Variants in MBOAT7 observed in about 807,000 individuals in gnomAD.
MBOAT7 encodes the protein membrane bound acylglycerophosphatidylinositol O-acyltransferase MBOAT7, also known as membrane-bound acylglycerophosphatidylinositol O-acyltransferase MBOAT7.
A neutral mutation model predicts 47.4 loss-of-function variants in MBOAT7; 40 were observed. That is an observed-to-expected ratio of 0.84 (90% confidence interval 0.66 to 1.10). MBOAT7 has a LOEUF of 1.10. Ranked by LOEUF, MBOAT7 falls within the 50% of genes least tolerant of loss-of-function variation. The pLI, the probability that MBOAT7 is intolerant of heterozygous loss-of-function variation, is 0.00. For synonymous variants in MBOAT7, 361 were observed against 292.0 expected, an observed-to-expected ratio of 1.24 and a Z score of -2.41; for missense variants, 680 against 655.6, an observed-to-expected ratio of 1.04 and a Z score of -0.41.
At position 54,188,068 on chromosome 19, in the gene MBOAT7, A is replaced by AGAAAGAAG. The variant is rs2076500439; in HGVS notation, c.206+148_206+149insCTTCTTTC. 2.0e-5 allele frequency: 7 copies of AGAAAGAAG among 356,996 alleles called. 1 individual carries two copies. Among genetic ancestry groups the AGAAAGAAG allele is most frequent in the Admixed American group, 1.4e-4 (2 of 13,866 alleles). The allele number at this position is 356,996 out of a possible 1,614,324, so 22.1% of individuals were successfully genotyped here. ...AAGAAAGAAAGAAAGAAAGAAAGAAAGACAAACAAACAAACATGAAACAGA... is the reference window on the plus strand; with the variant it reads ...AAGAAAGAAAGAAAGAAAGAAAGAAAGAAAGAAGGACAAACAAACAAACATGAAACAGA... On this transcript the variant is annotated intron_variant, in intron 3 of 7. Coordinates refer to ENST00000245615, the MANE Select transcript of MBOAT7 (RefSeq NM_024298.5).
Position 54,180,760 on chromosome 19 carries a change from C to T in MBOAT7, c.854+13G>A, listed in dbSNP as rs769491655. ...CTGCTGGGTCTTGGGAAGCCTCCCT[C>T]GCGCCGCCTGACCTGCTGGGGGGTG... On this transcript the variant is annotated intron_variant, in intron 6 of 7. Coordinates refer to ENST00000245615, the MANE Select transcript of MBOAT7 (RefSeq NM_024298.5). This position sits in a 1 kb window ranked among gnomAD's most constrained non-coding sequence, Gnocchi z 5.2. The T allele has an allele frequency of 8.7e-6, 13 of 1,500,318 alleles. No individual in the cohort carries two copies. The highest frequency in any genetic ancestry group is 1.3e-5 in the South Asian group (1 of 76,484). The allele number at this position is 1,500,318 out of a possible 1,614,324, so 92.9% of individuals were successfully genotyped here. A position where few individuals can be genotyped will look rare whatever the true frequency, so the allele number is the denominator to read the frequency against.
chr19:54,177,184 T>TACTA (rs2076131834), intron 7 of MBOAT7, among the ~76,000 whole-genome samples: 1 of 151,394 alleles, frequency 6.6e-6, no homozygotes, highest in East Asian at 1.9e-4. Flanking sequence ...CTAATACTAA[T>TACTA]AATAATATCC....
chr19:54,174,611 A>T (rs2076027577), intron 7 of MBOAT7, among the ~76,000 whole-genome samples, 180 bp from the exon 8 acceptor site: 1 of 144,086 alleles, frequency 6.9e-6, no homozygotes. Context: ...GACCCAGGAG[A>T]TCAGGCCCCA....
chr19:54,182,947 T>C (rs527785214), intron 5 of MBOAT7, among the ~76,000 whole-genome samples: 4 of 152,282 alleles, frequency 2.6e-5, no homozygotes, highest in South Asian at 2.1e-4. Flanking sequence ...GTGATCTGCC[T>C]GTCTCAGCCT....
chr19:54,188,033 G>GAAAGAAAGA (rs2076490284), intron 3 of MBOAT7, among the ~76,000 whole-genome samples, 184 bp downstream of exon 3: 1 of 68,664 alleles, frequency 1.5e-5, no homozygotes, highest in African/African-American at 5.3e-5. Flanking sequence ...AAGAAAGAAA[G>GAAAGAAAGA]AAAGAAAGAA....
chr19:54,188,031 A>C (rs866089497), intron 3 of MBOAT7, among the ~76,000 whole-genome samples, 186 bp downstream of exon 3: 781 of 73,550 alleles, frequency 0.011, 1 homozygote, highest in South Asian at 0.036. Context: ...GAAAGAAAGA[A>C]AGAAAGAAAG....
rs377687729 is a variant in MBOAT7, at chr19:54,174,287, C to A, written c.1176G>T (p.Gln392His). 1.9e-6 allele frequency: 3 copies of A among 1,612,918 alleles called. No homozygotes were observed. Among genetic ancestry groups the A allele is most frequent in the Non-Finnish European group, 2.5e-6 (3 of 1,179,414 alleles). The part of the protein sequence containing the change: ...ALRGRLSPGG[Q>H]KAWDWVHWFL... ...ACCAGTGCACCCAGTCCCAGGCCTTCTGGCCCCCTGGGCTCAGCCGCCCCC... is the reference window on the plus strand; with the variant it reads ...ACCAGTGCACCCAGTCCCAGGCCTTATGGCCCCCTGGGCTCAGCCGCCCCC... The change falls in exon 8 of 8, where the codon CAG (glutamine) becomes CAT (histidine). Residue 392 changes from glutamine (Q) to histidine (H), a missense_variant. By Grantham distance (24) the Gln-to-His change is conservative. Coordinates refer to ENST00000245615, the MANE Select transcript of MBOAT7 (RefSeq NM_024298.5).
intron 4 of MBOAT7, among the ~76,000 whole-genome samples, chr19:54,186,251 G>A (rs1411020306): frequency 6.6e-6 from 1 of 152,068 alleles, no homozygotes; most frequent in Non-Finnish European, 1.5e-5. Context: ...CCGACCTCAG[G>A]TGATCCGCCT....
chr19:54,182,804 G>T (rs956766920), intron 5 of MBOAT7, among the ~76,000 whole-genome samples: 1 of 151,980 alleles, frequency 6.6e-6, no homozygotes, highest in Non-Finnish European at 1.5e-5. Context: ...GGGTTCAAGC[G>T]ATTCTCCAGT....
chr19:54,188,814 C>G (rs914165806), intron 1 of MBOAT7, among the ~76,000 whole-genome samples: 3 of 152,122 alleles, frequency 2.0e-5, no homozygotes, highest in African/African-American at 7.2e-5. Context: ...TTTGCGAACG[C>G]AGAAATCAAA....
At chr19:54,176,115 A>G (rs954503802) in intron 7 of MBOAT7, among the ~76,000 whole-genome samples, 1 of 152,102 alleles carries the variant, frequency 6.6e-6, no homozygotes, top group East Asian at 1.9e-4. Flanking sequence ...TTGGCCTCCC[A>G]AAGTGCTGGG....
In MBOAT7 at chr19:54,188,067, A is replaced by AAGAC. The variant is rs1271790018; in HGVS notation, c.206+146_206+149dup. ...AAAGAAAGAAAGAAAGAAAGAAAGA[A>AAGAC]AGACAAACAAACAAACATGAAACAG... On this transcript the variant is annotated intron_variant, in intron 3 of 7. Coordinates refer to ENST00000245615, the MANE Select transcript of MBOAT7 (RefSeq NM_024298.5). 17 of 234,370 alleles carry AAGAC rather than the reference A, an allele frequency of 7.3e-5. 3 individuals are homozygous for AAGAC. In the East Asian group the frequency reaches 1.3e-3, roughly 18 times the overall value. 14.5% of individuals were successfully genotyped at this position (234,370 alleles called of 1,614,324 possible). A position where few individuals can be genotyped will look rare whatever the true frequency, so the allele number is the denominator to read the frequency against.
intron 3 of MBOAT7, among the ~76,000 whole-genome samples, chr19:54,188,003 G>A (rs547982365): frequency 2.9e-4 from 36 of 124,996 alleles, no homozygotes; most frequent in Middle Eastern, 3.8e-3. Context: ...CAACAGGAGC[G>A]AAACTCCATC....
chr19:54,173,960 G>C lies in MBOAT7; in HGVS notation c.*84C>G. 2 of 1,446,164 alleles carry C rather than the reference G, an allele frequency of 1.4e-6. No individual in the cohort carries two copies. The highest frequency in any genetic ancestry group is 5.2e-4 in the Middle Eastern group (2 of 3,860). The allele number at this position is 1,446,164 out of a possible 1,614,324, so 89.6% of individuals were successfully genotyped here. ...AAATTCTCTCCAGGACCCTCTCCAA[G>C]GTAAGGACTCTTTCTGGGGAGGAGA... On this transcript the variant is annotated 3_prime_UTR_variant, in exon 8 of 8. Coordinates refer to ENST00000245615, the MANE Select transcript of MBOAT7 (RefSeq NM_024298.5).
At position 54,180,853 on chromosome 19, in the gene MBOAT7, G is replaced by A. The variant is rs1008624546; in HGVS notation, c.774C>T (p.Ala258=). The change falls in exon 6 of 8, where the codon GCC becomes GCT. Residue 258 remains alanine (A), a synonymous_variant. Coordinates refer to ENST00000245615, the MANE Select transcript of MBOAT7 (RefSeq NM_024298.5). The surrounding 1 kb of genome is among the most constrained non-coding windows in gnomAD (Gnocchi z 5.2). Reference sequence around the variant, plus strand: ...CCACGGGGTAGGCCCCAAAGCCGGCGGCAATGCAGCCGCACTCGGCGGCAA... The same window carrying A: ...CCACGGGGTAGGCCCCAAAGCCGGCAGCAATGCAGCCGCACTCGGCGGCAA... ...AWIAAECGCI[A]AGFGAYPVAA... 1.3e-5 allele frequency: 20 copies of A among 1,582,508 alleles called. No individual in the cohort carries two copies. The highest frequency in any genetic ancestry group is 3.7e-5 in the Admixed American group (2 of 53,442).
intron 7 of MBOAT7, among the ~76,000 whole-genome samples, chr19:54,175,601 T>A (rs557135633): frequency 8.5e-5 from 13 of 152,318 alleles, no homozygotes; most frequent in African/African-American, 2.9e-4. Context: ...AGAGTCTCGC[T>A]CTGTTGCCAC....
At chr19:54,183,495 A>C (rs1438806215) in intron 5 of MBOAT7, 26 bp downstream of exon 5, 1 of 1,601,330 alleles carries the variant, frequency 6.2e-7, no homozygotes, top group Non-Finnish European at 8.5e-7. Flanking sequence ...ACAGAGCGGC[A>C]GAGTTGTTAG....
rs1416999514 is a variant in MBOAT7, at chr19:54,188,226, G to A, written c.197C>T (p.Ala66Val). The change falls in exon 3 of 8, where the codon GCC becomes GTC. Residue 66 changes from alanine (A) to valine (V), a missense_variant. By Grantham distance (64) the Ala-to-Val change is moderately conservative. Transcript: ENST00000245615. The part of the protein sequence containing the change: ...TILGTWALIQ[A>V]QPCSCHALAL... ...TCCACCAAATTCTCACCAGGGCTGGGCCTGAATGAGGGCCCAGGTCCCGAG... is the reference window on the plus strand; with the variant it reads ...TCCACCAAATTCTCACCAGGGCTGGACCTGAATGAGGGCCCAGGTCCCGAG... 6.2e-7 allele frequency: 1 copy of A among 1,612,126 alleles called. No individual in the cohort carries two copies. Among genetic ancestry groups the A allele is most frequent in the Non-Finnish European group, 8.5e-7 (1 of 1,179,054 alleles).
At chr19:54,177,368 T>C (rs1325356256) in intron 7 of MBOAT7, among the ~76,000 whole-genome samples, 5 of 151,770 alleles carry the variant, frequency 3.3e-5, no homozygotes, top group South Asian at 2.1e-4. Flanking sequence ...CGATCTCGGC[T>C]CACTGCAAGC....
Sources: gnomAD v4.1 joint callset for allele counts (sites outside exome capture counted in the v4.1 genomes callset) on GRCh38, gnomAD v4.1.1 for gene constraint, Gnocchi (gnomAD v3.1) non-coding constraint, MANE v1.5 for transcripts, NCBI Gene and HGNC (gene_info 2026-07-23, HGNC 2026-07-21) for gene names.